R3HDM1: variants seen among roughly 807,000 people sequenced by gnomAD.
The protein encoded by R3HDM1 is R3H domain-containing protein 1.
R3HDM1 carries 46 observed loss-of-function variants against 141.1 expected under a neutral mutation model. The ratio of observed to expected loss-of-function variants is 0.33; its 90% CI spans 0.26 to 0.42. R3HDM1 has a LOEUF of 0.42. Among genes scored for constraint, R3HDM1 ranks in the 10% least tolerant of loss-of-function variants. The probability of loss-of-function intolerance (pLI) is 1.00; values close to 1 mark genes in which losing one functional copy is unlikely to be tolerated. For missense variants in R3HDM1, 1,184 were observed against 1,368.3 expected, an observed-to-expected ratio of 0.87 and a Z score of 2.12; for synonymous variants, 435 against 472.9, an observed-to-expected ratio of 0.92 and a Z score of 1.04.
intron 18 of R3HDM1, among the ~76,000 whole-genome samples, chr2:135,657,907 C>T (rs2066129884): frequency 6.6e-6 from 1 of 152,094 alleles, no homozygotes; most frequent in Non-Finnish European, 1.5e-5. Context: ...GATAGAGATA[C>T]ATTCTGAGAA....
At chr2:135,553,909 C>T (rs979590305) in intron 1 of R3HDM1, among the ~76,000 whole-genome samples, 1 of 152,212 alleles carries the variant, frequency 6.6e-6, no homozygotes, top group African/African-American at 2.4e-5. Flanking sequence ...AGGCTGGTCT[C>T]GAACTTCTGA....
chr2:135,702,495 C>G (rs918433809), intron 21 of R3HDM1, among the ~76,000 whole-genome samples: 4 of 151,844 alleles, frequency 2.6e-5, no homozygotes, highest in African/African-American at 9.7e-5. Flanking sequence ...CCCATCTCTA[C>G]TAAAAATACA....
chr2:135,678,322 C>A (rs748149056), intron 20 of R3HDM1, among the ~76,000 whole-genome samples: 6 of 152,196 alleles, frequency 3.9e-5, no homozygotes, highest in Non-Finnish European at 7.4e-5. Context: ...GATTCTAGAA[C>A]TGAGTTTCTG....
intron 1 of R3HDM1, chr2:135,590,857 C>G (rs770039451): frequency 2.7e-5 from 10 of 364,494 alleles, no homozygotes; most frequent in Non-Finnish European, 3.4e-5. Flanking sequence ...TTTTTACTGG[C>G]CACAAAATGC....
At chr2:135,686,697 C>T (rs2071403959) in intron 21 of R3HDM1, among the ~76,000 whole-genome samples, 1 of 152,122 alleles carries the variant, frequency 6.6e-6, no homozygotes, top group African/African-American at 2.4e-5. Flanking sequence ...CATGATTACG[C>T]CACTGTATTC....
chr2:135,555,137 TA>T (rs1700485526), intron 1 of R3HDM1, among the ~76,000 whole-genome samples: 1 of 151,838 alleles, frequency 6.6e-6, no homozygotes, highest in Non-Finnish European at 1.5e-5. Flanking sequence ...CTGTCTCTAC[TA>T]AAAATACAAA....
At chr2:135,604,449 T>C (rs2105111304) in intron 2 of R3HDM1, among the ~76,000 whole-genome samples, 1 of 152,318 alleles carries the variant, frequency 6.6e-6, no homozygotes, top group East Asian at 1.9e-4. Context: ...ATATTCTTTT[T>C]TTAAATGTAA....
At chr2:135,619,496 A>G (rs1054960690) in intron 5 of R3HDM1, among the ~76,000 whole-genome samples, 4 of 152,202 alleles carry the variant, frequency 2.6e-5, no homozygotes, top group Admixed American at 2.0e-4. Context: ...TCAAAAGTCA[A>G]TTATTTCCCT....
intron 5 of R3HDM1, among the ~76,000 whole-genome samples, chr2:135,617,633 A>G (rs923507620): frequency 6.6e-6 from 1 of 152,166 alleles, no homozygotes; most frequent in Non-Finnish European, 1.5e-5. Flanking sequence ...TTTTAATGCT[A>G]TGACTACTTT....
At position 135,704,827 on chromosome 2, in the gene R3HDM1, T is replaced by C. The variant is rs1575143883; in HGVS notation, c.2460-4606T>C. ...TCACTTATTGGTCATAGTAAAAATTTTTTCATCCTATTAAAAATTCATTAA... is the reference window on the plus strand; with the variant it reads ...TCACTTATTGGTCATAGTAAAAATTCTTTCATCCTATTAAAAATTCATTAA... On this transcript the variant is annotated intron_variant, in intron 21 of 26. Coordinates refer to ENST00000683871, the MANE Select transcript of R3HDM1 (RefSeq NM_001378107.1). Among the ~76,000 whole-genome samples, 3 of 152,288 alleles carry C rather than the reference T, an allele frequency of 2.0e-5. No homozygotes were observed. In the East Asian group the frequency reaches 5.8e-4, roughly 29 times the overall value.
chr2:135,544,696 C>CA (rs1308015143), intron 1 of R3HDM1, among the ~76,000 whole-genome samples: 1 of 152,214 alleles, frequency 6.6e-6, no homozygotes, highest in Non-Finnish European at 1.5e-5. Context: ...GTGGCTCACT[C>CA]ACGCCTGTAA....
At chr2:135,621,122 A>T (rs2061476589) in intron 5 of R3HDM1, among the ~76,000 whole-genome samples, 1 of 151,972 alleles carries the variant, frequency 6.6e-6, no homozygotes, top group Non-Finnish European at 1.5e-5. Flanking sequence ...TATTGTCATG[A>T]TTGATGATAA....
chr2:135,534,369 C>G (rs1695580559), intron 1 of R3HDM1, among the ~76,000 whole-genome samples: 1 of 152,220 alleles, frequency 6.6e-6, no homozygotes, highest in Admixed American at 6.5e-5. Context: ...GAAATTGTTA[C>G]AACCATATGT....
chr2:135,548,286 C>A (rs1236135932), intron 1 of R3HDM1, among the ~76,000 whole-genome samples: 1 of 152,058 alleles, frequency 6.6e-6, no homozygotes, highest in East Asian at 1.9e-4. Flanking sequence ...ACCTTTTGCT[C>A]TTTTTGCTTT....
rs769649946 is a variant in R3HDM1 at position 135,604,933 on chromosome 2, G to C, written c.88G>C (p.Glu30Gln). 2.5e-6 allele frequency: 4 copies of C among 1,612,288 alleles called. No homozygotes were observed. The highest frequency in any genetic ancestry group is 3.4e-6 in the Non-Finnish European group (4 of 1,178,672). The change falls in exon 3 of 27, where the codon GAA becomes CAA. Residue 30 changes from glutamate (E) to glutamine (Q), a missense_variant. Glu to Gln is a conservative substitution (Grantham distance 29). This residue lies in a region of R3HDM1 where 192 missense variants were observed against 215.7 expected (regional missense o/e 0.89). Transcript: ENST00000683871. ...AGAAGTGAAAGATACAACCAGAGTT[G>C]AAAATCTTATCAAATCAGAAAACTA... ...EAEVKDTTRV[E>Q]NLIKSENYGK...
chr2:135,638,542 GTCA>G (rs1370500763), intron 11 of R3HDM1, 73 bp from the exon 12 acceptor site: 3 of 1,390,072 alleles, frequency 2.2e-6, no homozygotes, highest in Non-Finnish European at 3.0e-6. Flanking sequence ...GATTTTTGTT[GTCA>G]TCATTGGTTT....
At chr2:135,636,781 CCT>C (rs2063298172) in intron 11 of R3HDM1, among the ~76,000 whole-genome samples, 2 of 149,198 alleles carry the variant, frequency 1.3e-5, no homozygotes, top group Admixed American at 1.3e-4. Flanking sequence ...ATAGAAATTT[CCT>C]CTGTGTTAAA....
chr2:135,607,900 CTT>C (rs2060211875), intron 3 of R3HDM1: 2 of 982,118 alleles, frequency 2.0e-6, no homozygotes, highest in African/African-American at 1.8e-5. Flanking sequence ...TCTTTGACCT[CTT>C]GTTTCCTATA....
At chr2:135,716,640 T>C (rs986806679) in intron 24 of R3HDM1, among the ~76,000 whole-genome samples, 1 of 152,142 alleles carries the variant, frequency 6.6e-6, no homozygotes, top group African/African-American at 2.4e-5. Context: ...TATGTAGCTA[T>C]CTAAAGAATC....
Sources: allele counts gnomAD v4.1 joint callset (sites outside exome capture counted in the v4.1 genomes callset), GRCh38; gene constraint gnomAD v4.1.1; regional missense constraint gnomAD v4.1.1; transcripts MANE v1.5; gene names NCBI Gene and HGNC (gene_info 2026-07-23, HGNC 2026-07-21).